The following TTYH3 variants were observed in gnomAD, a reference collection of about 807,000 sequenced individuals.
TTYH3 encodes the protein protein tweety homolog 3.
Under a neutral mutation model 68.2 loss-of-function variants are expected in TTYH3, and 23 were observed. That is an observed-to-expected ratio of 0.34 (90% CI 0.24 to 0.48). The LOEUF (loss-of-function observed/expected upper bound fraction) is 0.48, where lower values mean the gene tolerates loss of function less well. TTYH3 is among the 20% of genes least tolerant of loss of function. TTYH3 has a pLI of 0.99. For missense variants in TTYH3, 768 were observed against 727.7 expected (o/e 1.06, Z -0.64); for synonymous variants, 360 against 332.8 (o/e 1.08, Z -0.89).
Position 2,647,131 on chromosome 7 carries a change from G to C in TTYH3, c.294-11G>C, listed in dbSNP as rs765303506. The C allele has an allele frequency of 3.1e-6, 5 of 1,591,784 alleles. No individual in the cohort carries two copies. Among genetic ancestry groups the C allele is most frequent in the Non-Finnish European group, 4.3e-6 (5 of 1,171,848 alleles). On this transcript the variant is annotated splice_polypyrimidine_tract_variant and intron_variant, in intron 2 of 13. Coordinates refer to ENST00000258796, the MANE Select transcript of TTYH3 (RefSeq NM_025250.3). ...GGGCGGGGCTACATCTCACGGGCCCGCCCTCTCCAGCGCCGGCATCGCAGT... is the reference window on the plus strand; with the variant it reads ...GGGCGGGGCTACATCTCACGGGCCCCCCCTCTCCAGCGCCGGCATCGCAGT...
At chr7:2,660,665 C>A in intron 13 of TTYH3, 1 of 642,680 alleles carries the variant, frequency 1.6e-6, no homozygotes, top group Non-Finnish European at 1.9e-6. Flanking sequence ...TCCCCACAGG[C>A]TGCTCGAAAC....
chr7:2,661,027 G>T (rs761006787), intron 13 of TTYH3, among the ~76,000 whole-genome samples: 4 of 152,046 alleles, frequency 2.6e-5, no homozygotes, highest in Non-Finnish European at 5.9e-5. Flanking sequence ...AGCCGCCTCT[G>T]TTCCTAAGTC....
chr7:2,632,094 C>T lies in TTYH3; in HGVS notation c.-62C>T, dbSNP rs1322727787. ...GGTCGACGGGTCCCTGAAGCCCGCG[C>T]CCCGGGCCAGCAAGGGAGCCCCGCG... is the stretch of plus-strand genomic sequence containing the variant. On this transcript the variant is annotated 5_prime_UTR_variant, in exon 1 of 14. Transcript: ENST00000258796. 8.1e-6 allele frequency: 10 copies of T among 1,240,112 alleles called. No individual in the cohort carries two copies. The highest frequency in any genetic ancestry group is 1.0e-5 in the Non-Finnish European group (10 of 990,320). The allele number at this position is 1,240,112 out of a possible 1,614,324, so 76.8% of individuals were successfully genotyped here. A position where few individuals can be genotyped will look rare whatever the true frequency, so the allele number is the denominator to read the frequency against.
Position 2,647,577 on chromosome 7 carries a change from A to G in TTYH3, c.565A>G (p.Arg189Gly). 6.4e-7 allele frequency: 1 copy of G among 1,571,732 alleles called. No homozygotes were observed. The highest frequency in any genetic ancestry group is 8.6e-7 in the Non-Finnish European group (1 of 1,159,494). The change falls in exon 4 of 14, where the codon AGG (arginine) becomes GGG (glycine). Residue 189 changes from arginine to glycine, a missense_variant. Coordinates refer to ENST00000258796, the MANE Select transcript of TTYH3 (RefSeq NM_025250.3). Reference sequence around the variant, plus strand: ...CTACACGGCCGCCATCCCCTTTTGGAGGAACACGGCGGTGTCGCTGGAGGT... The same window carrying G: ...CTACACGGCCGCCATCCCCTTTTGGGGGAACACGGCGGTGTCGCTGGAGGT... ...LGYTAAIPFWRNTAVSLEVLA... is the reference protein window; with the variant it reads ...LGYTAAIPFWGNTAVSLEVLA...
At chr7:2,654,460 A>G (rs1786279297) in intron 9 of TTYH3, among the ~76,000 whole-genome samples, 1 of 146,372 alleles carries the variant, frequency 6.8e-6, no homozygotes, top group Non-Finnish European at 1.5e-5. Flanking sequence ...CATAAAAAAA[A>G]ATTAAAAATA....
chr7:2,662,109 C>G lies in TTYH3; in HGVS notation c.*370C>G. On this transcript the variant is annotated 3_prime_UTR_variant, in exon 14 of 14. Coordinates refer to ENST00000258796, the MANE Select transcript of TTYH3 (RefSeq NM_025250.3). The stretch of plus-strand genomic sequence containing the variant: ...CTCCACAGCTCTCCTTCCTCCCGCC[C>G]GGCACTTCTGTGGACCCCTTCTTAG... 2.2e-6 allele frequency: 1 copy of G among 444,950 alleles called. No homozygotes were observed. The highest frequency in any genetic ancestry group is 4.2e-6 in the Non-Finnish European group (1 of 240,570). The allele number at this position is 444,950 out of a possible 1,614,324, so 27.6% of individuals were successfully genotyped here.
chr7:2,647,316 G>T, intron 3 of TTYH3, 63 bp downstream of exon 3: 5 of 1,523,754 alleles, frequency 3.3e-6, no homozygotes, highest in Non-Finnish European at 4.4e-6. Context: ...ACGTCTGCGC[G>T]AGGACGGGCG....
chr7:2,656,304 G>A, intron 10 of TTYH3, 94 bp from the exon 11 acceptor site: 1 of 1,567,322 alleles, frequency 6.4e-7, no homozygotes, highest in South Asian at 1.1e-5. Context: ...CCTCTGGGGG[G>A]CGGTCCAGGC....
intron 13 of TTYH3, chr7:2,660,475 C>T: frequency 2.7e-5 from 27 of 985,430 alleles, no homozygotes; most frequent in Non-Finnish European, 3.3e-5. Flanking sequence ...AGCACGTGAG[C>T]TTCTCCCGCT....
chr7:2,646,915 C>G lies in TTYH3; in HGVS notation c.186C>G (p.Leu62=), dbSNP rs141203046. 38 of 1,600,252 alleles carry G rather than the reference C, an allele frequency of 2.4e-5. No homozygotes were observed. Among genetic ancestry groups the G allele is most frequent in the Non-Finnish European group, 3.1e-5 (37 of 1,179,404 alleles). ...TCGCCCTGGACCTCCTCTTCCTGCT[C>G]TTCTACTCCTTCTGGCTGTGCTGCC... ...ACLALDLLFL[L]FYSFWLCCRR... The change falls in exon 2 of 14, where the codon CTC becomes CTG. Residue 62 remains leucine, a synonymous_variant. Transcript: ENST00000258796.
At chr7:2,633,190 C>T (rs1378402883) in intron 1 of TTYH3, among the ~76,000 whole-genome samples, 3 of 152,156 alleles carry the variant, frequency 2.0e-5, no homozygotes, top group South Asian at 2.1e-4. Flanking sequence ...CCAGAAGCCC[C>T]GTGACCAGGG....
At chr7:2,633,012 C>T (rs1785562410) in intron 1 of TTYH3, among the ~76,000 whole-genome samples, 1 of 152,178 alleles carries the variant, frequency 6.6e-6, no homozygotes, top group Non-Finnish European at 1.5e-5. Flanking sequence ...TGAGCCCAGG[C>T]AGACCTGGGG....
At chr7:2,649,043 G>T (rs888661073) in intron 5 of TTYH3, among the ~76,000 whole-genome samples, 1 of 151,662 alleles carries the variant, frequency 6.6e-6, no homozygotes, top group African/African-American at 2.4e-5. Context: ...GGGGGCACCT[G>T]CAGTGGGGTA....
chr7:2,651,006 G>T (rs1786159398), intron 7 of TTYH3, among the ~76,000 whole-genome samples: 1 of 151,934 alleles, frequency 6.6e-6, no homozygotes, highest in Non-Finnish European at 1.5e-5. Context: ...CTGTACTGTG[G>T]GTGGGGGAGC....
At chr7:2,656,917 C>T (rs910084286) in intron 11 of TTYH3, among the ~76,000 whole-genome samples, 3 of 152,236 alleles carry the variant, frequency 2.0e-5, no homozygotes, top group South Asian at 2.1e-4. Flanking sequence ...TGCAGGTGCA[C>T]GACGCTGTGG....
chr7:2,634,143 G>A (rs1785596323), intron 1 of TTYH3, among the ~76,000 whole-genome samples: 2 of 152,192 alleles, frequency 1.3e-5, no homozygotes, highest in South Asian at 4.1e-4. Flanking sequence ...TGTGGAAACC[G>A]GCCTGCCTCC....
rs778711145 is a variant in TTYH3 at position 2,659,005 on chromosome 7, C to T, written c.1490C>T (p.Pro497Leu). 5.0e-6 allele frequency: 8 copies of T among 1,613,916 alleles called. No homozygotes were observed. The highest frequency in any genetic ancestry group is 6.8e-6 in the Non-Finnish European group (8 of 1,179,854). Reference protein sequence around the residue: ...ENTPLIGRESPPPSYTSSMRA... With the variant: ...ENTPLIGRESLPPSYTSSMRA... ...ACCCCACTCATTGGGCGCGAGTCCC[C>T]GCCGCCCTCAGTAAGTCTTGGGGCA... Residue 497 changes from proline (P) to leucine (L), a missense_variant, in exon 13 of 14, where the codon CCG (proline) becomes CTG (leucine). By Grantham distance (98) the Pro-to-Leu change is moderately conservative. Transcript: ENST00000258796.
At chr7:2,641,850 G>T (rs944122320) in intron 1 of TTYH3, among the ~76,000 whole-genome samples, 1 of 152,254 alleles carries the variant, frequency 6.6e-6, no homozygotes, top group Non-Finnish European at 1.5e-5. Context: ...GGGTGCCGGG[G>T]CTCTGACGTG....
intron 7 of TTYH3, among the ~76,000 whole-genome samples, chr7:2,651,432 T>A (rs1583569854): frequency 6.6e-6 from 1 of 152,304 alleles, no homozygotes; most frequent in East Asian, 1.9e-4. Context: ...CCCGCTCTGC[T>A]AGGGGCGGGG....
Sources: gnomAD v4.1 joint callset for allele counts (sites outside exome capture counted in the v4.1 genomes callset) on GRCh38, gnomAD v4.1.1 for gene constraint, MANE v1.5 for transcripts, NCBI Gene and HGNC (gene_info 2026-07-23, HGNC 2026-07-21) for gene names.